RAB28: variants seen among roughly 807,000 people sequenced by gnomAD.
The protein encoded by RAB28 is RAB28, member RAS oncogene family, also known as ras-related protein Rab-28.
A neutral mutation model predicts 31.7 loss-of-function variants in RAB28; 24 were observed. That is an observed-to-expected ratio of 0.76 (90% CI 0.55 to 1.06). The LOEUF (loss-of-function observed/expected upper bound fraction) is 1.06, where lower values mean the gene tolerates loss of function less well. Ranked by LOEUF, RAB28 falls within the 50% of genes least tolerant of loss-of-function variation. RAB28 has a pLI of 0.00. For synonymous variants in RAB28, 100 were observed against 90.4 expected, an observed-to-expected ratio of 1.11 and a Z score of -0.60; for missense variants, 254 against 258.5, an observed-to-expected ratio of 0.98 and a Z score of 0.12.
At chr4:13,444,272 C>T (rs2108944454) in intron 4 of RAB28, among the ~76,000 whole-genome samples, 1 of 152,246 alleles carries the variant, frequency 6.6e-6, no homozygotes, top group Non-Finnish European at 1.5e-5. Context: ...CATGATCCAC[C>T]CGCCTCAGCC....
chr4:13,383,731 G>A (rs1333998441), intron 4 of RAB28, among the ~76,000 whole-genome samples: 1 of 152,170 alleles, frequency 6.6e-6, no homozygotes, highest in African/African-American at 2.4e-5. Context: ...AAGTTCTCAT[G>A]AGATCTTATA....
intron 3 of RAB28, among the ~76,000 whole-genome samples, chr4:13,462,213 G>A (rs769504998): frequency 6.6e-6 from 1 of 152,108 alleles, no homozygotes; most frequent in Non-Finnish European, 1.5e-5. Context: ...CCCAGCAGGG[G>A]TGACAGTTTG....
At chr4:13,382,924 T>A (rs1729196271) in intron 4 of RAB28, among the ~76,000 whole-genome samples, 1 of 152,066 alleles carries the variant, frequency 6.6e-6, no homozygotes, top group African/African-American at 2.4e-5. Context: ...GGTCTTGAAT[T>A]CCTGACCTCA....
Position 13,484,101 on chromosome 4 carries a change from A to C in RAB28, c.50T>G (p.Val17Gly). Residue 17 changes from valine to glycine, a missense_variant, in exon 1 of 7, where the codon GTG becomes GGG. Physicochemically the swap from Val to Gly is moderately radical, Grantham distance 109 (BLOSUM62 -3). Coordinates refer to ENST00000330852, the MANE Select transcript of RAB28 (RefSeq NM_001017979.3). ...ESQDRQLKIV[V>G]LGDGASGKTS... ...CTTCCCGGAGGCGCCGTCCCCCAGC[A>C]CGACGATTTTCAGTTGCCGGTCCTG... 6.2e-7 allele frequency: 1 copy of C among 1,602,366 alleles called. No individual in the cohort carries two copies. Among genetic ancestry groups the C allele is most frequent in the South Asian group, 1.1e-5 (1 of 89,098 alleles).
At chr4:13,423,378 A>T (rs1713285144) in intron 4 of RAB28, among the ~76,000 whole-genome samples, 3 of 152,060 alleles carry the variant, frequency 2.0e-5, no homozygotes, top group Admixed American at 2.0e-4. Flanking sequence ...TCTACTAAAA[A>T]TACAAAAAAT....
intron 2 of RAB28, among the ~76,000 whole-genome samples, chr4:13,478,396 C>T (rs989010109): frequency 6.6e-6 from 1 of 151,432 alleles, no homozygotes; most frequent in African/African-American, 2.4e-5. Flanking sequence ...CAAACTATCA[C>T]AAAATATAGC....
intron 4 of RAB28, among the ~76,000 whole-genome samples, chr4:13,381,872 CATTATT>C (rs943952724): frequency 2.0e-5 from 3 of 152,008 alleles, no homozygotes; most frequent in African/African-American, 4.8e-5. Context: ...TGTGCGCTAT[CATTATT>C]ATTATCATCT....
chr4:13,369,806 C>G (rs1728646826), intron 6 of RAB28: 1 of 1,425,970 alleles, frequency 7.0e-7, no homozygotes, highest in Admixed American at 2.1e-5. Context: ...GAATAAAGAA[C>G]AAGATAGCAT....
chr4:13,450,634 CA>C (rs1445146400), intron 4 of RAB28, among the ~76,000 whole-genome samples: 1 of 151,810 alleles, frequency 6.6e-6, no homozygotes, highest in African/African-American at 2.4e-5. Flanking sequence ...TGGGGAAATA[CA>C]GACAAGAAAC....
At chr4:13,401,500 A>G (rs1322239195) in intron 4 of RAB28, among the ~76,000 whole-genome samples, 1 of 152,196 alleles carries the variant, frequency 6.6e-6, no homozygotes, top group East Asian at 1.9e-4. Flanking sequence ...CATTCTGCAC[A>G]TGTACCCCAG....
Position 13,389,774 on chromosome 4 carries a change from C to A in RAB28, c.392-8180G>T, listed in dbSNP as rs941509829. Among the ~76,000 whole-genome samples the A allele has an allele frequency of 5.3e-5, 8 of 151,642 alleles. No homozygotes were observed. The East Asian group carries it at 1.6e-3, about 30-fold the overall frequency. On this transcript the variant is annotated intron_variant, in intron 4 of 6. Transcript: ENST00000330852. ...GAAGCAACAAATTAAAATTCTGAAT[C>A]TACCTTCACATAAACAGATCCAATG...
intron 4 of RAB28, among the ~76,000 whole-genome samples, chr4:13,440,770 G>T (rs190162195): frequency 2.3e-4 from 35 of 151,970 alleles, no homozygotes; most frequent in Non-Finnish European, 4.6e-4. Context: ...CCTTTAAAGA[G>T]GTAATTAAGG....
intron 6 of RAB28, chr4:13,370,131 ACAG>A: frequency 8.2e-6 from 8 of 979,896 alleles, no homozygotes; most frequent in Non-Finnish European, 9.7e-6. Context: ...GCACACACAA[ACAG>A]CAGAATGTAC....
intron 4 of RAB28, among the ~76,000 whole-genome samples, chr4:13,446,549 G>GT (rs1714708677): frequency 6.6e-6 from 1 of 152,178 alleles, no homozygotes; most frequent in East Asian, 1.9e-4. Flanking sequence ...GTGGAAAAGC[G>GT]TAGCACCCGG....
At chr4:13,425,963 GT>G (rs1253686083) in intron 4 of RAB28, among the ~76,000 whole-genome samples, 4 of 152,036 alleles carry the variant, frequency 2.6e-5, no homozygotes, top group African/African-American at 9.7e-5. Flanking sequence ...ACACCTGCTT[GT>G]TTTATAGCAG....
At chr4:13,460,264 A>T (rs538273052) in intron 4 of RAB28, among the ~76,000 whole-genome samples, 1 of 152,328 alleles carries the variant, frequency 6.6e-6, no homozygotes, top group African/African-American at 2.4e-5. Flanking sequence ...GTACTGACGG[A>T]TTCAGTATCC....
rs869095747 is a variant in RAB28 at position 13,468,776 on chromosome 4, G to GT, written c.261+5541dup. On this transcript the variant is annotated intron_variant, in intron 3 of 6. Coordinates refer to ENST00000330852, the MANE Select transcript of RAB28 (RefSeq NM_001017979.3). Reference sequence around the variant, plus strand: ...GAGAAAATCAACAAAGCCAAAAGCTGTTTTTTTTTTAAAAAAAAAAGATCA... The same window carrying GT: ...GAGAAAATCAACAAAGCCAAAAGCTGTTTTTTTTTTTAAAAAAAAAAGATCA... Among the ~76,000 whole-genome samples the GT allele has an allele frequency of 1.9e-3, 284 of 145,784 alleles. 1 individual carries two copies. The highest frequency in any genetic ancestry group is 6.0e-3 in the African/African-American group (238 of 39,704).
Position 13,479,490 on chromosome 4 carries a change from C to A in RAB28, c.112G>T (p.Gly38Trp). 6.2e-7 allele frequency: 1 copy of A among 1,608,650 alleles called. No homozygotes were observed. Among genetic ancestry groups the A allele is most frequent in the Non-Finnish European group, 8.5e-7 (1 of 1,176,592 alleles). Reference sequence around the variant, plus strand: ...CCTATAGTTTGTTTGTACTGTTTCCCAAAAGTTTCTTGAGCAAAACACGTA... The same window carrying A: ...CCTATAGTTTGTTTGTACTGTTTCCAAAAAGTTTCTTGAGCAAAACACGTA... ...LTTCFAQETF[G>W]KQYKQTIGLD... The change falls in exon 2 of 7, where the codon GGG becomes TGG. Residue 38 changes from glycine to tryptophan, a missense_variant. Gly to Trp is a radical substitution (Grantham distance 184, BLOSUM62 -2). Transcript: ENST00000330852.
intron 4 of RAB28, among the ~76,000 whole-genome samples, chr4:13,438,393 A>G (rs1714245252): frequency 6.6e-6 from 1 of 152,042 alleles, no homozygotes; most frequent in African/African-American, 2.4e-5. Context: ...ATCACACCAA[A>G]AGTAAACCCT....
Sources: gnomAD v4.1 joint callset for allele counts (sites outside exome capture counted in the v4.1 genomes callset) on GRCh38, gnomAD v4.1.1 for gene constraint, MANE v1.5 for transcripts, NCBI Gene and HGNC (gene_info 2026-07-23, HGNC 2026-07-21) for gene names.